The following ACACB variants were observed in gnomAD, a reference collection of about 807,000 sequenced individuals.
The protein encoded by ACACB is acetyl-CoA carboxylase 2.
A neutral mutation model predicts 278.8 loss-of-function variants in ACACB; 209 were observed. That is an observed-to-expected ratio of 0.75 (90% CI 0.67 to 0.84). The LOEUF (loss-of-function observed/expected upper bound fraction) is 0.84, where lower values mean the gene tolerates loss of function less well. ACACB is among the 40% of genes least tolerant of loss of function. The pLI is 0.00. For synonymous variants in ACACB, 1,174 were observed against 1,285.6 expected, an observed-to-expected ratio of 0.91 and a Z score of 1.86; for missense variants, 2,850 against 3,269.0, an observed-to-expected ratio of 0.87 and a Z score of 3.13.
At chr12:109,224,284 A>G (rs2046256700) in intron 27 of ACACB, among the ~76,000 whole-genome samples, 1 of 151,958 alleles carries the variant, frequency 6.6e-6, no homozygotes, top group South Asian at 2.1e-4. Context: ...ACTCACGTGC[A>G]TTAAATACCT....
intron 7 of ACACB, among the ~76,000 whole-genome samples, chr12:109,174,548 GAAA>G (rs34161814): frequency 1.5e-5 from 2 of 133,138 alleles, no homozygotes; most frequent in Non-Finnish European, 1.6e-5. Flanking sequence ...TATTCTTTGG[GAAA>G]AAAAAAAAAA....
chr12:109,187,968 T>C, intron 12 of ACACB, 31 bp from the exon 13 acceptor site: 1 of 1,578,844 alleles, frequency 6.3e-7, no homozygotes, highest in Admixed American at 1.7e-5. Flanking sequence ...TAATGATTTC[T>C]TCCATTTTGC....
At chr12:109,174,283 A>G in intron 7 of ACACB, 53 bp downstream of exon 7, 1 of 1,404,740 alleles carries the variant, frequency 7.1e-7, no homozygotes, top group South Asian at 1.2e-5. Context: ...AGTCTTGATA[A>G]TGTGAACGGT....
chr12:109,265,270 G>A lies in ACACB; in HGVS notation c.7103G>A (p.Gly2368Glu), dbSNP rs2047485122. The change falls in exon 51 of 53, where the codon GGG becomes GAG. Residue 2368 changes from glycine (G) to glutamate (E), a missense_variant. Physicochemically the swap from Gly to Glu is moderately conservative, Grantham distance 98 (BLOSUM62 -2). Around this residue, in one of 3 missense-constraint regions of ACACB, gnomAD observed 579 missense variants for 684.6 expected, o/e 0.85. Transcript: ENST00000338432. ...CGTCGCTGGTTCGTGGAGACGGAGG[G>A]GGCTGTCAAGGTGGGCCTGGGGTGA... is the stretch of plus-strand genomic sequence containing the variant. ...MLRRWFVETE[G>E]AVKAYLWDNN... The A allele has an allele frequency of 1.9e-6, 3 of 1,612,898 alleles. No individual in the cohort carries two copies. The highest frequency in any genetic ancestry group is 1.1e-5 in the South Asian group (1 of 91,044).
At chr12:109,169,781 T>A (rs556447708) in intron 4 of ACACB, among the ~76,000 whole-genome samples, 3 of 152,204 alleles carry the variant, frequency 2.0e-5, no homozygotes. Flanking sequence ...TTCTTGTTTA[T>A]CTTCTCCAAC....
intron 44 of ACACB, 29 bp downstream of exon 44, chr12:109,254,363 CTGGTCTCGGGTTTCTTT>C: frequency 6.3e-7 from 1 of 1,595,056 alleles, no homozygotes; most frequent in Non-Finnish European, 8.5e-7. Context: ...TGCCTAGGAC[CTGGTCTCGGGTTTCTTT>C]CTAGGGCTTG....
intron 27 of ACACB, among the ~76,000 whole-genome samples, chr12:109,224,656 C>T (rs2046265909): frequency 6.6e-6 from 1 of 151,880 alleles, no homozygotes; most frequent in Admixed American, 6.6e-5. Flanking sequence ...CTCAGCCTCC[C>T]CAGTAGCTGG....
In ACACB at chr12:109,139,498, G is replaced by C; in HGVS notation, c.93G>C (p.Pro31=). 1 of 1,614,042 alleles carries C rather than the reference G, an allele frequency of 6.2e-7. No individual in the cohort carries two copies. The highest frequency in any genetic ancestry group is 1.1e-5 in the South Asian group (1 of 91,066). ...KIWGKMTDSK[P]ITKSKSEANL... is the part of the protein sequence containing the mutation. ...GGGGGAAAATGACGGACTCCAAGCC[G>C]ATCACCAAGAGTAAATCAGAAGCAA... Residue 31 remains proline, a synonymous_variant, in exon 2 of 53, where the codon CCG becomes CCC. Coordinates refer to ENST00000338432, the MANE Select transcript of ACACB (RefSeq NM_001093.4).
At chr12:109,203,963 AT>A (rs1378955380) in intron 19 of ACACB, among the ~76,000 whole-genome samples, 1 of 152,146 alleles carries the variant, frequency 6.6e-6, no homozygotes, top group East Asian at 1.9e-4. Flanking sequence ...TAAAAAAAAA[AT>A]TTAAAAATAT....
At chr12:109,144,059 T>C (rs906864301) in intron 2 of ACACB, among the ~76,000 whole-genome samples, 2 of 152,008 alleles carry the variant, frequency 1.3e-5, no homozygotes, top group African/African-American at 4.8e-5. Flanking sequence ...ACACCTGTAA[T>C]CCTAGTACTT....
intron 1 of ACACB, among the ~76,000 whole-genome samples, chr12:109,128,103 G>A (rs536306688): frequency 5.2e-4 from 79 of 152,182 alleles, no homozygotes; most frequent in Non-Finnish European, 9.9e-4. Flanking sequence ...AACCCGGAAG[G>A]TATCCTCTCT....
At chr12:109,141,147 C>T (rs1278007920) in intron 2 of ACACB, among the ~76,000 whole-genome samples, 3 of 152,048 alleles carry the variant, frequency 2.0e-5, no homozygotes, top group Non-Finnish European at 4.4e-5. Flanking sequence ...AAGCGATCCT[C>T]GGTCTCCCAA....
Position 109,193,643 on chromosome 12 carries a change from T to G in ACACB, c.2400-5T>G. 6.2e-7 allele frequency: 1 copy of G among 1,611,988 alleles called. No homozygotes were observed. Among genetic ancestry groups the G allele is most frequent in the Non-Finnish European group, 8.5e-7 (1 of 1,178,068 alleles). On this transcript the variant is annotated splice_polypyrimidine_tract_variant and splice_region_variant and intron_variant, in intron 15 of 52. Coordinates refer to ENST00000338432, the MANE Select transcript of ACACB (RefSeq NM_001093.4). ...GGCTGACCACAACCCTGTCTTTTCTTTCAGGGGCCAGGTCCTCCCAGCGGA... is the reference window on the plus strand; with the variant it reads ...GGCTGACCACAACCCTGTCTTTTCTGTCAGGGGCCAGGTCCTCCCAGCGGA...
chr12:109,243,443 A>T (rs999548384), intron 37 of ACACB, among the ~76,000 whole-genome samples: 5 of 152,108 alleles, frequency 3.3e-5, no homozygotes, highest in Admixed American at 2.0e-4. Context: ...TACTAAAAAT[A>T]CGAAAATTAA....
rs754289848 is a variant in ACACB, at chr12:109,237,178, G to A, written c.4460G>A (p.Arg1487His). Residue 1487 changes from arginine to histidine, a missense_variant, in exon 34 of 53, where the codon CGC becomes CAC. By Grantham distance (29) the Arg-to-His change is conservative. Around this residue, in one of 3 missense-constraint regions of ACACB, gnomAD observed 2,265 missense variants for 2,561.3 expected, o/e 0.88. Coordinates refer to ENST00000338432, the MANE Select transcript of ACACB (RefSeq NM_001093.4). ...FRARDEFAED[R>H]IYRHLEPALA... ...GTCCGCCTACAGTTTGCAGAAGATC[G>A]CATTTACCGTCACTTGGAACCTGCC... 5.0e-6 allele frequency: 8 copies of A among 1,614,078 alleles called. No individual in the cohort carries two copies. The highest frequency in any genetic ancestry group is 1.3e-5 in the African/African-American group (1 of 75,004).
Position 109,266,976 on chromosome 12 carries a change from T to A in ACACB, c.*614T>A, listed in dbSNP as rs1306983238. 1.3e-5 allele frequency: 2 copies of A among 149,136 alleles called. No homozygotes were observed. The highest frequency in any genetic ancestry group is 5.0e-5 in the African/African-American group (2 of 40,354). 9.2% of individuals were successfully genotyped at this position (149,136 alleles called of 1,614,324 possible). ...CTGGAGTGCAGTGGCATGATCTCAC[T>A]GCAACCTCCATCTCCTGTCTCAGCC... On this transcript the variant is annotated 3_prime_UTR_variant, in exon 53 of 53. Coordinates refer to ENST00000338432, the MANE Select transcript of ACACB (RefSeq NM_001093.4).
chr12:109,232,617 G>C, intron 28 of ACACB, 52 bp from the exon 29 acceptor site: 1 of 1,594,550 alleles, frequency 6.3e-7, no homozygotes, highest in Non-Finnish European at 8.6e-7. Flanking sequence ...GCAGCTCGTA[G>C]AGTTGGGTCT....
At chr12:109,138,246 C>T (rs2043016733) in intron 1 of ACACB, among the ~76,000 whole-genome samples, 1 of 152,140 alleles carries the variant, frequency 6.6e-6, no homozygotes, top group African/African-American at 2.4e-5. Context: ...ATGATCTACT[C>T]ATTAGTAGGG....
chr12:109,223,031 A>T, intron 26 of ACACB, 119 bp downstream of exon 26: 1 of 778,514 alleles, frequency 1.3e-6, no homozygotes, highest in Non-Finnish European at 2.1e-6. Flanking sequence ...GGGCACAGCC[A>T]CAGATGCAGA....
Sources: allele counts gnomAD v4.1 joint callset (sites outside exome capture counted in the v4.1 genomes callset), GRCh38; gene constraint gnomAD v4.1.1; regional missense constraint gnomAD v4.1.1; transcripts MANE v1.5; gene names NCBI Gene and HGNC (gene_info 2026-07-23, HGNC 2026-07-21).